ERGIC1: variants seen among roughly 807,000 people sequenced by gnomAD.
ERGIC1 encodes endoplasmic reticulum-Golgi intermediate compartment protein 1.
ERGIC1 carries 19 observed loss-of-function variants against 38.3 expected under a neutral mutation model. The observed-to-expected ratio is 0.50, with a 90% CI of 0.35 to 0.73. The LOEUF (loss-of-function observed/expected upper bound fraction) is 0.73, where lower values mean the gene tolerates loss of function less well. ERGIC1 is among the 30% of genes least tolerant of loss of function. ERGIC1 has a pLI of 0.01. For missense variants in ERGIC1, 294 were observed against 389.2 expected (o/e 0.76, Z 2.06); for synonymous variants, 124 against 157.6 (o/e 0.79, Z 1.60).
intron 1 of ERGIC1, among the ~76,000 whole-genome samples, chr5:172,860,667 C>T (rs1179014032): frequency 1.3e-5 from 2 of 152,214 alleles, no homozygotes; most frequent in Non-Finnish European, 2.9e-5. Flanking sequence ...GAGGAAGCCA[C>T]CCTTGGGCTG....
intron 4 of ERGIC1, among the ~76,000 whole-genome samples, chr5:172,912,374 AG>A (rs1763228178): frequency 6.6e-6 from 1 of 152,150 alleles, no homozygotes; most frequent in Non-Finnish European, 1.5e-5. Context: ...TCTTCCCCAC[AG>A]GGGTGTTTAA....
rs889372961 is a variant in ERGIC1, at chr5:172,935,411, G to A, written c.765+101G>A. 10 of 1,533,422 alleles carry A rather than the reference G, an allele frequency of 6.5e-6. No individual in the cohort carries two copies. In the Admixed American group the frequency reaches 1.3e-4, roughly 20 times the overall value. The allele number at this position is 1,533,422 out of a possible 1,614,324, so 95.0% of individuals were successfully genotyped here. ...CCCTCACCTGTTCTCGCTGAAACAGGAGGCAGCCTGCAGGGCTAGGGGCTC... is the reference window on the plus strand; with the variant it reads ...CCCTCACCTGTTCTCGCTGAAACAGAAGGCAGCCTGCAGGGCTAGGGGCTC... On this transcript the variant is annotated intron_variant, in intron 9 of 9. Coordinates refer to ENST00000393784, the MANE Select transcript of ERGIC1 (RefSeq NM_001031711.3).
At chr5:172,875,854 C>T (rs1185903466) in intron 1 of ERGIC1, among the ~76,000 whole-genome samples, 1 of 152,196 alleles carries the variant, frequency 6.6e-6, no homozygotes, top group African/African-American at 2.4e-5. Flanking sequence ...AGGCATGAGC[C>T]ACCATGCCTG....
chr5:172,879,122 G>A (rs1762219191), intron 1 of ERGIC1, among the ~76,000 whole-genome samples: 1 of 152,220 alleles, frequency 6.6e-6, no homozygotes, highest in Non-Finnish European at 1.5e-5. Flanking sequence ...ACCACAGAGT[G>A]ATCCGAGATT....
At chr5:172,886,148 G>A (rs1397230692) in intron 1 of ERGIC1, among the ~76,000 whole-genome samples, 1 of 151,904 alleles carries the variant, frequency 6.6e-6, no homozygotes, top group Non-Finnish European at 1.5e-5. Flanking sequence ...CTTGGTGTGA[G>A]ACTCCCTAGC....
At chr5:172,935,493 C>T in intron 9 of ERGIC1, 183 bp downstream of exon 9, 1 of 680,266 alleles carries the variant, frequency 1.5e-6, no homozygotes, top group South Asian at 2.1e-5. Flanking sequence ...GTCAGAAACA[C>T]ATCAGTATCG....
rs142660597 is a variant in ERGIC1 at position 172,850,774 on chromosome 5, T to C, written c.20+16341T>C. Among the ~76,000 whole-genome samples the C allele has an allele frequency of 5.9e-5, 9 of 152,326 alleles. No homozygotes were observed. The East Asian group carries it at 1.7e-3, about 29-fold the overall frequency. On this transcript the variant is annotated intron_variant, in intron 1 of 9. Coordinates refer to ENST00000393784, the MANE Select transcript of ERGIC1 (RefSeq NM_001031711.3). ...TGAAATTTCCTGACACATTTGGTCT[T>C]CTAAAGCGGAGGTTGCAAACTGGTG...
chr5:172,948,281 A>G (rs1482838411), intron 9 of ERGIC1, among the ~76,000 whole-genome samples: 1 of 152,176 alleles, frequency 6.6e-6, no homozygotes, highest in Non-Finnish European at 1.5e-5. Flanking sequence ...CGCTTAGCTC[A>G]TCTCATGGAA....
At chr5:172,904,297 G>A (rs1186563380) in intron 3 of ERGIC1, among the ~76,000 whole-genome samples, 1 of 152,190 alleles carries the variant, frequency 6.6e-6, no homozygotes, top group African/African-American at 2.4e-5. Flanking sequence ...CACCAAAGAA[G>A]GGTCCCTTGA....
chr5:172,867,506 T>C (rs978366079), intron 1 of ERGIC1: 7 of 443,228 alleles, frequency 1.6e-5, no homozygotes, highest in African/African-American at 4.0e-5. Context: ...TTCCAGCCTC[T>C]GCCGTCATTT....
intron 1 of ERGIC1, among the ~76,000 whole-genome samples, chr5:172,881,775 G>A (rs1762290992): frequency 6.6e-6 from 1 of 152,172 alleles, no homozygotes; most frequent in Non-Finnish European, 1.5e-5. Flanking sequence ...CTGTAAAATG[G>A]AACAATAATC....
At chr5:172,945,009 T>A (rs1764091987) in intron 9 of ERGIC1, among the ~76,000 whole-genome samples, 1 of 152,234 alleles carries the variant, frequency 6.6e-6, no homozygotes, top group Admixed American at 6.5e-5. Context: ...AACCCACCCA[T>A]TGGCTCCTCA....
Position 172,834,890 on chromosome 5 carries a change from G to A in ERGIC1, c.20+457G>A, listed in dbSNP as rs1342356596. Among the ~76,000 whole-genome samples, 2 of 152,182 alleles carry A rather than the reference G, an allele frequency of 1.3e-5. No individual in the cohort carries two copies. The highest frequency in any genetic ancestry group is 4.8e-5 in the African/African-American group (2 of 41,446). On this transcript the variant is annotated intron_variant, in intron 1 of 9. Coordinates refer to ENST00000393784, the MANE Select transcript of ERGIC1 (RefSeq NM_001031711.3). This position sits in a 1 kb window ranked among gnomAD's most constrained non-coding sequence, Gnocchi z 4.1. ...GCCCCATGCAGCCTGCCGGCAGCTG[G>A]AGGGTTTTAAGTTTCTATAGCCTGA...
intron 1 of ERGIC1, among the ~76,000 whole-genome samples, chr5:172,863,801 A>G (rs1446035623): frequency 6.6e-6 from 1 of 152,230 alleles, no homozygotes; most frequent in East Asian, 1.9e-4. Flanking sequence ...CTACTGTGTC[A>G]CAGCACTGCA....
At chr5:172,895,445 A>G (rs542962749) in intron 2 of ERGIC1, among the ~76,000 whole-genome samples, 1 of 152,090 alleles carries the variant, frequency 6.6e-6, no homozygotes, top group South Asian at 2.1e-4. Flanking sequence ...CTCTGGGATA[A>G]ACTCAGGTGT....
In ERGIC1 at chr5:172,935,196, C is replaced by T. The variant is rs547013747; in HGVS notation, c.651C>T (p.Val217=). ...YQYTVANKEY[V]AYSHTGRIIP... is the part of the protein sequence containing the mutation. The stretch of plus-strand genomic sequence containing the variant: ...TATATCCTCTACCCCAGGAATACGT[C>T]GCCTACAGCCACACGGGCCGCATCA... Residue 217 remains valine (V), a synonymous_variant, in exon 9 of 10, where the codon GTC becomes GTT. Coordinates refer to ENST00000393784, the MANE Select transcript of ERGIC1 (RefSeq NM_001031711.3). 62 of 1,614,124 alleles carry T rather than the reference C, an allele frequency of 3.8e-5. No individual in the cohort carries two copies. The East Asian group carries it at 5.6e-4, about 15-fold the overall frequency.
intron 1 of ERGIC1, among the ~76,000 whole-genome samples, chr5:172,871,407 G>A (rs888439470): frequency 3.3e-5 from 5 of 152,180 alleles, no homozygotes; most frequent in African/African-American, 9.7e-5. Context: ...ACTTAATTCC[G>A]ATCTCCATTT....
chr5:172,897,048 G>GCTCACC lies in ERGIC1; in HGVS notation c.130_135dup (p.Leu44_Thr45dup). The GCTCACC allele has an allele frequency of 6.2e-7, 1 of 1,614,126 alleles. No individual in the cohort carries two copies. The highest frequency in any genetic ancestry group is 8.5e-7 in the Non-Finnish European group (1 of 1,180,012). On this transcript the variant is annotated inframe_insertion, in exon 3 of 10. Coordinates refer to ENST00000393784, the MANE Select transcript of ERGIC1 (RefSeq NM_001031711.3). ...TCATCCTCTTCCTCTTCCTCTCGGA[G>GCTCACC]CTCACCGGATTTATAACGACAGAAG...
chr5:172,887,139 C>T (rs182997466), intron 1 of ERGIC1, among the ~76,000 whole-genome samples: 8 of 152,194 alleles, frequency 5.3e-5, no homozygotes, highest in Non-Finnish European at 2.9e-5. Flanking sequence ...TCGGCCCTTA[C>T]GCAAGGTTTC....
Sources: gnomAD v4.1 joint callset for allele counts (sites outside exome capture counted in the v4.1 genomes callset) on GRCh38, gnomAD v4.1.1 for gene constraint, Gnocchi (gnomAD v3.1) non-coding constraint, MANE v1.5 for transcripts, NCBI Gene and HGNC (gene_info 2026-07-23, HGNC 2026-07-21) for gene names.